NRXN3: variants seen among roughly 807,000 people sequenced by gnomAD.
NRXN3 encodes neurexin III.
A neutral mutation model predicts 137.6 loss-of-function variants in NRXN3; 32 were observed. The ratio of observed to expected loss-of-function variants is 0.23; its 90% CI spans 0.18 to 0.31. The LOEUF (loss-of-function observed/expected upper bound fraction) is 0.31, where lower values mean the gene tolerates loss of function less well. NRXN3 is among the 10% of genes least tolerant of loss of function. The pLI is 1.00. For missense variants in NRXN3, 1,574 were observed against 2,062.5 expected (o/e 0.76, Z 4.59); for synonymous variants, 798 against 784.5 (o/e 1.02, Z -0.29).
intron 16 of NRXN3, among the ~76,000 whole-genome samples, chr14:79,558,562 T>C (rs2097455435): frequency 6.6e-6 from 1 of 151,460 alleles, no homozygotes; most frequent in South Asian, 2.1e-4. Flanking sequence ...TCTCTCTCTT[T>C]TTTTTTTTTT....
chr14:79,442,268 A>G (rs1163842242), intron 15 of NRXN3, among the ~76,000 whole-genome samples: 1 of 152,224 alleles, frequency 6.6e-6, no homozygotes. Context: ...ATGCTGGGCA[A>G]TAAAAATAGA....
chr14:79,077,789 C>T (rs1663404083), intron 15 of NRXN3, among the ~76,000 whole-genome samples: 1 of 151,986 alleles, frequency 6.6e-6, no homozygotes, highest in African/African-American at 2.4e-5. Flanking sequence ...TATAATATTG[C>T]ACCTTAGGGT....
chr14:78,526,937 A>G (rs565848047), intron 4 of NRXN3, among the ~76,000 whole-genome samples: 1 of 152,194 alleles, frequency 6.6e-6, no homozygotes, highest in Non-Finnish European at 1.5e-5. Context: ...TGAGGGCCAA[A>G]TGGAAGACTA....
chr14:79,763,385 T>TATAA (rs1163176964), intron 19 of NRXN3, among the ~76,000 whole-genome samples: 13 of 68,424 alleles, frequency 1.9e-4, no homozygotes, highest in Non-Finnish European at 3.9e-4. Context: ...TGCATGTGTC[T>TATAA]TTATAGTAGA....
intron 17 of NRXN3, among the ~76,000 whole-genome samples, chr14:79,673,221 A>C (rs926478087): frequency 2.6e-5 from 4 of 152,196 alleles, no homozygotes; most frequent in Admixed American, 2.6e-4. Flanking sequence ...GTTAACATGA[A>C]TTTGATTGGA....
chr14:78,231,464 T>A (rs1055401285), intron 1 of NRXN3: 3 of 152,300 alleles, frequency 2.0e-5, no homozygotes, highest in Admixed American at 6.5e-5. Flanking sequence ...GATTCATGCA[T>A]GTCCTGATGG....
intron 4 of NRXN3, among the ~76,000 whole-genome samples, chr14:78,426,753 G>A (rs534687259): frequency 1.0e-3 from 156 of 152,166 alleles, no homozygotes; most frequent in Non-Finnish European, 1.5e-3. Flanking sequence ...CCTGCTTCAG[G>A]GGAAGGTCAG....
Position 79,458,176 on chromosome 14 carries a change from T to C in NRXN3, c.3263-9045T>C, listed in dbSNP as rs563197564. On this transcript the variant is annotated intron_variant, in intron 15 of 20. Coordinates refer to ENST00000335750, the MANE Select transcript of NRXN3 (RefSeq NM_001330195.2). ...TCTATTTATTTTTACAAAAACAATT[T>C]GCAATGTGATTTAGAAATGGAGGAG... 2.0e-5 allele frequency among the ~76,000 whole-genome samples: 3 copies of C among 152,282 alleles called. No individual in the cohort carries two copies. The East Asian group carries it at 5.8e-4, about 29-fold the overall frequency.
chr14:78,590,411 A>C (rs1171895142), intron 4 of NRXN3, among the ~76,000 whole-genome samples: 1 of 152,182 alleles, frequency 6.6e-6, no homozygotes, highest in African/African-American at 2.4e-5. Flanking sequence ...AAATGACTGG[A>C]TATTCCAGGG....
At chr14:78,889,997 G>A (rs999173694) in intron 10 of NRXN3, among the ~76,000 whole-genome samples, 1 of 151,976 alleles carries the variant, frequency 6.6e-6, no homozygotes, top group Admixed American at 6.6e-5. Context: ...GCAGAGATTG[G>A]AGGGATATAA....
At chr14:78,261,840 A>C (rs2070778117) in intron 2 of NRXN3, among the ~76,000 whole-genome samples, 1 of 152,202 alleles carries the variant, frequency 6.6e-6, no homozygotes, top group African/African-American at 2.4e-5. Context: ...TCACTCTGAA[A>C]AAAGATTTTG....
chr14:78,696,423 A>C (rs1295707827), intron 6 of NRXN3, among the ~76,000 whole-genome samples: 4 of 152,062 alleles, frequency 2.6e-5, no homozygotes, highest in African/African-American at 9.7e-5. Context: ...TCTTATTCTC[A>C]CATCAACCCT....
At chr14:78,481,578 T>G (rs2095474507) in intron 4 of NRXN3, among the ~76,000 whole-genome samples, 1 of 152,178 alleles carries the variant, frequency 6.6e-6, no homozygotes, top group Admixed American at 6.5e-5. Flanking sequence ...GTCTGAGGGT[T>G]TTGACCATCA....
At chr14:78,365,712 A>G (rs2085830696) in intron 4 of NRXN3, among the ~76,000 whole-genome samples, 1 of 152,240 alleles carries the variant, frequency 6.6e-6, no homozygotes, top group Non-Finnish European at 1.5e-5. Flanking sequence ...TGAAAACTCA[A>G]GGATAGAATA....
At chr14:79,734,581 T>A (rs2098935455) in intron 19 of NRXN3, among the ~76,000 whole-genome samples, 1 of 152,192 alleles carries the variant, frequency 6.6e-6, no homozygotes, top group Non-Finnish European at 1.5e-5. Flanking sequence ...TCTCATTTAT[T>A]TGGAAGTAGC....
chr14:78,633,605 A>G (rs1476796668), intron 4 of NRXN3, among the ~76,000 whole-genome samples: 1 of 152,118 alleles, frequency 6.6e-6, no homozygotes, highest in Non-Finnish European at 1.5e-5. Context: ...TCTCCTCCTC[A>G]CTGCCATATT....
intron 4 of NRXN3, among the ~76,000 whole-genome samples, chr14:78,537,472 T>G (rs529201623): frequency 2.6e-5 from 4 of 152,344 alleles, no homozygotes; most frequent in African/African-American, 9.6e-5. Flanking sequence ...ATTTTTCTTG[T>G]GAATTTGTTT....
intron 4 of NRXN3, among the ~76,000 whole-genome samples, chr14:78,531,691 G>A (rs1018312947): frequency 2.2e-4 from 33 of 152,272 alleles, no homozygotes; most frequent in South Asian, 1.7e-3. Context: ...CCCTCCATGA[G>A]ATTGGAAGGA....
chr14:78,464,612 A>C (rs2095042321), intron 4 of NRXN3, among the ~76,000 whole-genome samples: 1 of 152,232 alleles, frequency 6.6e-6, no homozygotes, highest in Non-Finnish European at 1.5e-5. Context: ...GAAAAAATAA[A>C]AGCAAAATTT....
Sources: gnomAD v4.1 joint callset for allele counts (sites outside exome capture counted in the v4.1 genomes callset) on GRCh38, gnomAD v4.1.1 for gene constraint, MANE v1.5 for transcripts, NCBI Gene and HGNC (gene_info 2026-07-23, HGNC 2026-07-21) for gene names.